TMEM132C: variants seen among roughly 807,000 people sequenced by gnomAD.
TMEM132C encodes the protein transmembrane protein 132C.
A neutral mutation model predicts 61.4 loss-of-function variants in TMEM132C; 29 were observed. The observed-to-expected ratio is 0.47, with a 90% CI of 0.35 to 0.64. TMEM132C has a LOEUF of 0.64. Ranked by LOEUF, TMEM132C falls within the 30% of genes least tolerant of loss-of-function variation. TMEM132C has a pLI of 0.00. For synonymous variants in TMEM132C, 656 were observed against 633.1 expected (o/e 1.04, Z -0.54); for missense variants, 1,408 against 1,476.9 (o/e 0.95, Z 0.76).
At chr12:128,303,251 G>T (rs1871654611) in intron 1 of TMEM132C, among the ~76,000 whole-genome samples, 1 of 152,182 alleles carries the variant, frequency 6.6e-6, no homozygotes, top group African/African-American at 2.4e-5. Flanking sequence ...ATGACAGCAG[G>T]AATACAAAAT....
chr12:128,283,325 C>G (rs1158290450), intron 1 of TMEM132C, among the ~76,000 whole-genome samples: 1 of 152,122 alleles, frequency 6.6e-6, no homozygotes, highest in Non-Finnish European at 1.5e-5. Flanking sequence ...CTTCCCTGCC[C>G]CAGTTTTGGA....
chr12:128,705,125 T>C lies in TMEM132C; in HGVS notation c.2157T>C (p.Asp719=), dbSNP rs886607836. Residue 719 remains aspartate (D), a synonymous_variant, in exon 9 of 9, where the codon GAT becomes GAC. Coordinates refer to ENST00000435159, the MANE Select transcript of TMEM132C (RefSeq NM_001136103.3). ...TCAGCACGTGGCTGCAGTTCAGTGA[T>C]GGCTCTGTGACGCCCCTGGACATCT... ...AVFSTWLQFS[D]GSVTPLDIYD... 1 of 1,549,240 alleles carries C rather than the reference T, an allele frequency of 6.5e-7. No homozygotes were observed.
At chr12:128,565,251 A>G (rs1874656200) in intron 3 of TMEM132C, among the ~76,000 whole-genome samples, 1 of 152,252 alleles carries the variant, frequency 6.6e-6, no homozygotes, top group African/African-American at 2.4e-5. Flanking sequence ...TGATCTTGGA[A>G]GCAGATCCTT....
In TMEM132C at chr12:128,658,334, T is replaced by C. The variant is rs1300857896; in HGVS notation, c.1306-11083T>C. On this transcript the variant is annotated intron_variant, in intron 4 of 8. Transcript: ENST00000435159. ...GAATGCTGAGAGCTGGACCCTCTTT[T>C]CTGGGTTCCAATTTCAAAACTGGAC... is the stretch of plus-strand genomic sequence containing the variant. Among the ~76,000 whole-genome samples, 2 of 152,228 alleles carry C rather than the reference T, an allele frequency of 1.3e-5. 1 individual carries two copies. Among genetic ancestry groups the C allele is most frequent in the South Asian group, 4.1e-4 (2 of 4,834 alleles).
At chr12:128,546,912 T>A (rs953367079) in intron 3 of TMEM132C, among the ~76,000 whole-genome samples, 2 of 152,224 alleles carry the variant, frequency 1.3e-5, no homozygotes, top group African/African-American at 4.8e-5. Flanking sequence ...TGCCTCTGTC[T>A]TCTTACAGCA....
chr12:128,579,262 G>A (rs1420970401), intron 3 of TMEM132C, among the ~76,000 whole-genome samples: 1 of 152,210 alleles, frequency 6.6e-6, no homozygotes, highest in African/African-American at 2.4e-5. Flanking sequence ...ATATCTCACT[G>A]CCTCGTAGCC....
chr12:128,628,534 G>A (rs139063637), intron 4 of TMEM132C, among the ~76,000 whole-genome samples: 2,005 of 152,260 alleles, frequency 0.013, 44 homozygotes, highest in African/African-American at 0.046. Context: ...ATTTTCTTGC[G>A]TAACATGACC....
rs115692669 is a variant in TMEM132C at position 128,650,604 on chromosome 12, C to T, written c.1306-18813C>T. Among the ~76,000 whole-genome samples the T allele has an allele frequency of 5.2e-3, 785 of 152,108 alleles. 5 individuals are homozygous for T. Among genetic ancestry groups the T allele is most frequent in the African/African-American group, 0.018 (745 of 41,500 alleles). On this transcript the variant is annotated intron_variant, in intron 4 of 8. Transcript: ENST00000435159. ...ATATCAGGGCAAGGATAGTGCATGC[C>T]TGCAGTCCCAGCTACTCGGGAGGCT...
In TMEM132C at chr12:128,622,359, AAATATATATATATATATAT is replaced by A. The variant is rs1209899070; in HGVS notation, c.1305+6026_1305+6044del. On this transcript the variant is annotated intron_variant, in intron 4 of 8. Transcript: ENST00000435159. ...ACTTTGTCTCAAAAAAAAAAAAAAA[AAATATATATATATATATAT>A]ATATATATATATATATATATATAAC... Among the ~76,000 whole-genome samples, 31 of 56,402 alleles carry A rather than the reference AAATATATATATATATATAT, an allele frequency of 5.5e-4. 1 individual carries two copies. The highest frequency in any genetic ancestry group is 2.6e-3 in the African/African-American group (22 of 8,556). 37.0% of individuals were successfully genotyped at this position (56,402 alleles called of 152,430 possible). A position where few individuals can be genotyped will look rare whatever the true frequency, so the allele number is the denominator to read the frequency against.
chr12:128,572,450 T>G (rs996210885), intron 3 of TMEM132C, among the ~76,000 whole-genome samples: 1 of 151,904 alleles, frequency 6.6e-6, no homozygotes, highest in Non-Finnish European at 1.5e-5. Flanking sequence ...CTGGGTCGCA[T>G]GACCACTGTG....
intron 4 of TMEM132C, among the ~76,000 whole-genome samples, chr12:128,621,045 G>C (rs1212409781): frequency 6.6e-6 from 1 of 152,064 alleles, no homozygotes; most frequent in African/African-American, 2.4e-5. Flanking sequence ...TCAAGAAGGA[G>C]ATGGCAGCGG....
intron 3 of TMEM132C, among the ~76,000 whole-genome samples, chr12:128,612,183 C>T (rs1876659050): frequency 6.6e-6 from 1 of 152,190 alleles, no homozygotes; most frequent in African/African-American, 2.4e-5. Context: ...CTGGTCTGAC[C>T]TTTGCTCTAT....
chr12:128,288,779 A>G (rs1871157568), intron 1 of TMEM132C: 1 of 152,218 alleles, frequency 6.6e-6, no homozygotes, highest in Non-Finnish European at 1.5e-5. Flanking sequence ...TCACAGTCAC[A>G]GGCTAAATAA....
At chr12:128,390,656 T>TA (rs535931721) in intron 1 of TMEM132C, among the ~76,000 whole-genome samples, 69 of 152,254 alleles carry the variant, frequency 4.5e-4, no homozygotes, top group African/African-American at 1.6e-3. Flanking sequence ...AGGCCCTCTC[T>TA]AGGAGAGGGG....
chr12:128,539,273 T>C (rs2136143487), intron 2 of TMEM132C, among the ~76,000 whole-genome samples: 1 of 152,320 alleles, frequency 6.6e-6, no homozygotes, highest in East Asian at 1.9e-4. Flanking sequence ...ATGGAACACA[T>C]GCTCAAGTAG....
chr12:128,304,676 T>C (rs1871705857), intron 1 of TMEM132C, among the ~76,000 whole-genome samples: 1 of 151,940 alleles, frequency 6.6e-6, no homozygotes, highest in Admixed American at 6.6e-5. Context: ...CTGGCTGTAA[T>C]CTATTTGGGG....
chr12:128,278,750 ATGTGTGTG>A lies in TMEM132C; in HGVS notation c.85+11293_85+11300del, dbSNP rs35003496. Among the ~76,000 whole-genome samples the A allele has an allele frequency of 6.6e-4, 90 of 137,062 alleles. No individual in the cohort carries two copies. Among genetic ancestry groups the A allele is most frequent in the African/African-American group, 2.0e-3 (74 of 37,562 alleles). The allele number at this position is 137,062 out of a possible 152,430, so 89.9% of individuals were successfully genotyped here. On this transcript the variant is annotated intron_variant, in intron 1 of 8. Transcript: ENST00000435159. This position sits in a 1 kb window ranked among gnomAD's most constrained non-coding sequence, Gnocchi z 4.2. The stretch of plus-strand genomic sequence containing the variant: ...TGTGCAGACTTGATTCTATACGTGT[ATGTGTGTG>A]TGTGTGTGTGTGTGTGTGTGTGTGT...
At chr12:128,654,916 G>C (rs1954309018) in intron 4 of TMEM132C, among the ~76,000 whole-genome samples, 1 of 152,200 alleles carries the variant, frequency 6.6e-6, no homozygotes, top group African/African-American at 2.4e-5. Context: ...GTTCAGGAGA[G>C]AGAGCTTCCT....
rs909023212 is a variant in TMEM132C at position 128,474,430 on chromosome 12, G to C, written c.974+58810G>C. Among the ~76,000 whole-genome samples the C allele has an allele frequency of 3.3e-5, 5 of 152,150 alleles. No individual in the cohort carries two copies. In the South Asian group the frequency reaches 6.2e-4, roughly 19 times the overall value. Reference sequence around the variant, plus strand: ...CTTTAGCACACACTGTGAAACTCCAGAAAAACATCACACCTAGGGGTGTCA... The same window carrying C: ...CTTTAGCACACACTGTGAAACTCCACAAAAACATCACACCTAGGGGTGTCA... On this transcript the variant is annotated intron_variant, in intron 2 of 8. Transcript: ENST00000435159.
Sources: allele counts gnomAD v4.1 joint callset (sites outside exome capture counted in the v4.1 genomes callset), GRCh38; gene constraint gnomAD v4.1.1; non-coding constraint Gnocchi (gnomAD v3.1); transcripts MANE v1.5; gene names NCBI Gene and HGNC (gene_info 2026-07-23, HGNC 2026-07-21).